TLCD3B: variants seen among roughly 807,000 people sequenced by gnomAD.
The protein encoded by TLCD3B is ceramide synthase.
In TLCD3B, 9 loss-of-function variants were observed where a neutral mutation model predicts 23.0. That is an observed-to-expected ratio of 0.39 (90% CI 0.24 to 0.68). The LOEUF is 0.68. Ranked by LOEUF, TLCD3B falls within the 30% of genes least tolerant of loss-of-function variation. TLCD3B has a pLI of 0.44. For synonymous variants in TLCD3B, 161 were observed against 161.0 expected (o/e 1.00, Z 0.00); for missense variants, 307 against 371.8 (o/e 0.83, Z 1.43).
chr16:30,031,911 G>A (rs963714548), upstream of TLCD3B, among the ~76,000 whole-genome samples: 1 of 152,198 alleles, frequency 6.6e-6, no homozygotes, highest in African/African-American at 2.4e-5. Context: ...GGAAGAAGGG[G>A]AAACGGTGGC....
At chr16:30,044,497 A>G (rs1281280891) in intron 2 of TLCD3B, among the ~76,000 whole-genome samples, 2 of 151,240 alleles carry the variant, frequency 1.3e-5, no homozygotes, top group Non-Finnish European at 2.9e-5. Flanking sequence ...TTTTTAGTAG[A>G]GACAGGGTTT....
chr16:30,027,269 G>T, intron 2 of TLCD3B: 1 of 428,078 alleles, frequency 2.3e-6, no homozygotes, highest in Non-Finnish European at 4.7e-6. Flanking sequence ...GAGGTCACAG[G>T]GGTGGACGCC....
intron 2 of TLCD3B, among the ~76,000 whole-genome samples, chr16:30,045,092 CAAAAAAAAAAAAAAA>C (rs1162281544): frequency 9.0e-5 from 2 of 22,226 alleles, no homozygotes; most frequent in Non-Finnish European, 1.5e-4. Context: ...GACTCCATCT[CAAAAAAAAAAAAAAA>C]AAAAAAAAAA....
Position 30,025,763 on chromosome 16 carries a change from C to A in TLCD3B, c.503G>T (p.Ser168Ile). The change falls in exon 4 of 5, where the codon AGC (serine) becomes ATC (isoleucine). Residue 168 changes from serine (S) to isoleucine (I), a missense_variant. Transcript: ENST00000380495. The surrounding 1 kb of genome is among the most constrained non-coding windows in gnomAD (Gnocchi z 4.1). ...FLGCMLMAEVSTPFVCLGKIL... is the reference protein window; with the variant it reads ...FLGCMLMAEVITPFVCLGKIL... ...CTTGCCAAGGCAGACGAAGGGCGTG[C>A]TGACCTCTGCCATCAACATGCAACC... 6.2e-7 allele frequency: 1 copy of A among 1,614,168 alleles called. No individual in the cohort carries two copies. Among genetic ancestry groups the A allele is most frequent in the Non-Finnish European group, 8.5e-7 (1 of 1,180,036 alleles).
chr16:30,051,521 C>CAAAAAA (rs199594296), intron 1 of TLCD3B, among the ~76,000 whole-genome samples: 2 of 62,806 alleles, frequency 3.2e-5, no homozygotes, highest in Non-Finnish European at 7.6e-5. Context: ...AACTCCGTTT[C>CAAAAAA]AAAAAAAAAA....
upstream of TLCD3B, chr16:30,035,628 C>T: frequency 1.7e-6 from 1 of 592,968 alleles, no homozygotes; most frequent in African/African-American, 1.9e-5. Context: ...AGGCAAACCT[C>T]TTCTCTAAGC....
At chr16:30,037,886 TAAAG>T (rs2071504350) in intron 3 of TLCD3B, among the ~76,000 whole-genome samples, 1 of 152,180 alleles carries the variant, frequency 6.6e-6, no homozygotes, top group Non-Finnish European at 1.5e-5. Flanking sequence ...ATTGCTGAAA[TAAAG>T]AAACAAATAA....
At chr16:30,041,120 G>T (rs998724737) in exon 3 of TLCD3B, 2 of 152,132 alleles carry the variant, frequency 1.3e-5, no homozygotes, top group African/African-American at 4.8e-5. Context: ...ATTTCTTCTT[G>T]TTGAGAGCAA....
upstream of TLCD3B, chr16:30,033,446 G>C (rs938580350): frequency 6.6e-6 from 1 of 152,080 alleles, no homozygotes; most frequent in Non-Finnish European, 1.5e-5. Context: ...TTGTCTGCCA[G>C]GGAATCCACG....
chr16:30,025,119 C>A lies in TLCD3B; in HGVS notation c.*64G>T. ...GACCCTGGCTCCCAACCCCAGCCAT[C>A]AGCCCCAGAGCCCTGTCTCCACGGG... On this transcript the variant is annotated 3_prime_UTR_variant, in exon 5 of 5. Coordinates refer to ENST00000380495, the MANE Select transcript of TLCD3B (RefSeq NM_031478.6). This position sits in a 1 kb window ranked among gnomAD's most constrained non-coding sequence, Gnocchi z 4.1. 8.6e-7 allele frequency: 1 copy of A among 1,162,004 alleles called. No individual in the cohort carries two copies. Among genetic ancestry groups the A allele is most frequent in the South Asian group, 1.7e-5 (1 of 59,844 alleles). The allele number at this position is 1,162,004 out of a possible 1,614,324, so 72.0% of individuals were successfully genotyped here.
At chr16:30,041,679 G>C (rs966486768) in intron 2 of TLCD3B, among the ~76,000 whole-genome samples, 1 of 145,834 alleles carries the variant, frequency 6.9e-6, no homozygotes, top group Non-Finnish European at 1.5e-5. Flanking sequence ...CCGAGATCAC[G>C]CCACTGCACT....
In TLCD3B at chr16:30,030,426, G is replaced by C. The variant is rs368430871; in HGVS notation, c.102C>G (p.Ala34=). 6.3e-7 allele frequency: 1 copy of C among 1,595,546 alleles called. No individual in the cohort carries two copies. Among genetic ancestry groups the C allele is most frequent in the Non-Finnish European group, 8.5e-7 (1 of 1,172,754 alleles). ...ACCTGGCTGAGACAATGACTGCGTC[G>C]GCCTCCTCCCAGCGTAGCTGGGGCA... The part of the protein sequence containing the change: ...QRLPQLRWEE[A]DAVIVSARLV... Residue 34 remains alanine, a synonymous_variant, in exon 1 of 5, where the codon GCC becomes GCG. Coordinates refer to ENST00000380495, the MANE Select transcript of TLCD3B (RefSeq NM_031478.6).
In TLCD3B at chr16:30,024,739, C is replaced by G. The variant is rs1339777057; in HGVS notation, c.*444G>C. 2.6e-5 allele frequency: 5 copies of G among 189,338 alleles called. No individual in the cohort carries two copies. Among genetic ancestry groups the G allele is most frequent in the African/African-American group, 1.2e-4 (5 of 42,592 alleles). 11.7% of individuals were successfully genotyped at this position (189,338 alleles called of 1,614,324 possible). A position where few individuals can be genotyped will look rare whatever the true frequency, so the allele number is the denominator to read the frequency against. On this transcript the variant is annotated 3_prime_UTR_variant, in exon 5 of 5. Coordinates refer to ENST00000380495, the MANE Select transcript of TLCD3B (RefSeq NM_031478.6). ...CCCTGGAGAGGAGCCGTGGTTGCAG[C>G]CGGCCACTCGGGAGGCCCGAGGGCC... is the stretch of plus-strand genomic sequence containing the variant.
At chr16:30,042,913 A>T (rs138675465) in intron 2 of TLCD3B, among the ~76,000 whole-genome samples, 1 of 152,066 alleles carries the variant, frequency 6.6e-6, no homozygotes, top group African/African-American at 2.4e-5. Context: ...CCTGACCAAC[A>T]TGGTGAAAGC....
chr16:30,039,103 CTTTTTTTTTTTTTTTTTT>C (rs1018184417), intron 3 of TLCD3B, among the ~76,000 whole-genome samples: 2 of 99,616 alleles, frequency 2.0e-5, no homozygotes, highest in Admixed American at 2.4e-4. Context: ...TCCTTCCTCT[CTTTTTTTTTTTTTTTTTT>C]TTTTTTTTTT....
At chr16:30,040,658 CT>C (rs199586526) in intron 3 of TLCD3B, among the ~76,000 whole-genome samples, 1,756 of 150,848 alleles carry the variant, frequency 0.012, 23 homozygotes, top group African/African-American at 0.04. Context: ...TTTTCTTTTT[CT>C]TTTTTTTTAA....
chr16:30,028,587 G>A (rs973003947), intron 2 of TLCD3B, among the ~76,000 whole-genome samples: 1 of 152,122 alleles, frequency 6.6e-6, no homozygotes, highest in Non-Finnish European at 1.5e-5. Flanking sequence ...AATTCCTCTC[G>A]CTGAAGCCCT....
intron 2 of TLCD3B, among the ~76,000 whole-genome samples, chr16:30,028,494 G>A (rs1414388302): frequency 6.6e-6 from 1 of 152,140 alleles, no homozygotes; most frequent in Non-Finnish European, 1.5e-5. Flanking sequence ...GGTGGGCAGA[G>A]GCCAAGAAGC....
At chr16:30,046,338 C>T (rs2071674043) in exon 2 of TLCD3B, 1 of 152,304 alleles carries the variant, frequency 6.6e-6, no homozygotes, top group Admixed American at 6.6e-5. Context: ...TCTGTTCTTC[C>T]AGGTTCTGCC....
Sources: gnomAD v4.1 joint callset for allele counts (sites outside exome capture counted in the v4.1 genomes callset) on GRCh38, gnomAD v4.1.1 for gene constraint, Gnocchi (gnomAD v3.1) non-coding constraint, MANE v1.5 for transcripts, NCBI Gene and HGNC (gene_info 2026-07-23, HGNC 2026-07-21) for gene names.